Variants in ABCC4 observed in about 807,000 individuals in gnomAD.
The protein encoded by ABCC4 is ATP-binding cassette sub-family C member 4.
In ABCC4, 102 loss-of-function variants were observed where a neutral mutation model predicts 168.5. The observed-to-expected ratio is 0.61, with a 90% CI of 0.52 to 0.71. The LOEUF is 0.71. Ranked by LOEUF, ABCC4 falls within the 30% of genes least tolerant of loss-of-function variation. The pLI, the probability that ABCC4 is intolerant of heterozygous loss-of-function variation, is 0.00. For synonymous variants in ABCC4, 617 were observed against 590.7 expected, an observed-to-expected ratio of 1.04 and a Z score of -0.65; for missense variants, 1,402 against 1,605.8, an observed-to-expected ratio of 0.87 and a Z score of 2.17.
In ABCC4 at chr13:95,040,022, G is replaced by C. The variant is rs2139234224; in HGVS notation, c.3735+3660C>G. On this transcript the variant is annotated intron_variant, in intron 29 of 30. Transcript: ENST00000645237. ...GTACGGAGAGTCATCTGACGTTGGA[G>C]ATTGGTTCCCTCACTGGTAAAATGG... Among the ~76,000 whole-genome samples the C allele has an allele frequency of 2.0e-5, 3 of 152,314 alleles. No homozygotes were observed. The South Asian group carries it at 6.2e-4, about 32-fold the overall frequency.
At chr13:95,176,295 G>A (rs1275459500) in intron 13 of ABCC4, among the ~76,000 whole-genome samples, 3 of 133,270 alleles carry the variant, frequency 2.3e-5, no homozygotes, top group Non-Finnish European at 3.1e-5. Context: ...AACATAGGGA[G>A]ACCAGCCTAG....
intron 20 of ABCC4, among the ~76,000 whole-genome samples, chr13:95,099,490 C>T (rs1594092954): frequency 6.6e-6 from 1 of 151,942 alleles, no homozygotes; most frequent in African/African-American, 2.4e-5. Context: ...TAAACTATAC[C>T]TCAATAAAAA....
intron 1 of ABCC4, among the ~76,000 whole-genome samples, chr13:95,290,336 C>T (rs989781837): frequency 1.2e-4 from 18 of 151,988 alleles, no homozygotes; most frequent in African/African-American, 4.1e-4. Flanking sequence ...AGAAATAATG[C>T]ACATCAACAA....
intron 1 of ABCC4, among the ~76,000 whole-genome samples, chr13:95,278,806 G>GAAAA (rs71113905): frequency 2.0e-4 from 7 of 34,362 alleles, no homozygotes; most frequent in Non-Finnish European, 9.0e-5. Flanking sequence ...CCCTGTCTCG[G>GAAAA]AAAAAAAAAA....
intron 20 of ABCC4, among the ~76,000 whole-genome samples, chr13:95,097,540 C>A (rs2034643933): frequency 6.9e-6 from 1 of 145,838 alleles, no homozygotes; most frequent in Non-Finnish European, 1.5e-5. Flanking sequence ...TATAAGCCAA[C>A]TTGACCTGTC....
chr13:95,135,832 TA>T (rs1415374661), intron 19 of ABCC4, among the ~76,000 whole-genome samples: 90 of 152,316 alleles, frequency 5.9e-4, no homozygotes, highest in Middle Eastern at 3.4e-3. Context: ...TCATTAGGCA[TA>T]AAAACTACCT....
chr13:95,176,289 T>C (rs1451654297), intron 13 of ABCC4, among the ~76,000 whole-genome samples: 2 of 111,888 alleles, frequency 1.8e-5, no homozygotes, highest in Non-Finnish European at 3.4e-5. Context: ...CTGGGCAACA[T>C]AGGGAGACCA....
intron 19 of ABCC4, among the ~76,000 whole-genome samples, chr13:95,126,626 G>A (rs542266197): frequency 3.3e-5 from 5 of 149,546 alleles, no homozygotes; most frequent in East Asian, 2.0e-4. Flanking sequence ...TTCCATCCCC[G>A]GCGCATCATT....
At chr13:95,167,416 T>C (rs1452126312) in intron 14 of ABCC4, among the ~76,000 whole-genome samples, 2 of 152,000 alleles carry the variant, frequency 1.3e-5, no homozygotes, top group African/African-American at 4.8e-5. Flanking sequence ...ACTCCCAGAA[T>C]ACAAAACAAA....
chr13:95,190,274 G>A (rs971027424), intron 9 of ABCC4, among the ~76,000 whole-genome samples: 4 of 152,152 alleles, frequency 2.6e-5, no homozygotes, highest in Non-Finnish European at 5.9e-5. Context: ...CGGAGGCTGA[G>A]GTTGCAGTGA....
intron 1 of ABCC4, among the ~76,000 whole-genome samples, chr13:95,262,647 T>TC (rs1166382804): frequency 2.1e-5 from 3 of 142,166 alleles, no homozygotes; most frequent in East Asian, 4.4e-4. Flanking sequence ...TTTTTTTTTT[T>TC]CCCAAGACGG....
intron 19 of ABCC4, among the ~76,000 whole-genome samples, chr13:95,145,934 G>T (rs542369296): frequency 6.6e-6 from 1 of 152,160 alleles, no homozygotes; most frequent in Non-Finnish European, 1.5e-5. Context: ...ACAACAGGCC[G>T]GGCACAGTGG....
Position 95,209,471 on chromosome 13 carries a change from A to T in ABCC4, c.748T>A (p.Leu250Met), listed in dbSNP as rs1394069645. Residue 250 changes from leucine to methionine, a missense_variant, in exon 6 of 31, where the codon TTG (leucine) becomes ATG (methionine). Leu to Met is a conservative substitution (Grantham distance 15, BLOSUM62 2). This residue lies in a region of ABCC4 where 317 missense variants were observed against 345.5 expected (regional missense o/e 0.92). Transcript: ENST00000645237. ...GMAVLIILLP[L>M]QSCFGKLFSS... ...AACAACTTCCCAAAACAGCTTTGCA[A>T]GGGCAGGAGAATGATTAGAACTGCC... The T allele has an allele frequency of 6.2e-7, 1 of 1,614,186 alleles. No individual in the cohort carries two copies. Among genetic ancestry groups the T allele is most frequent in the East Asian group, 2.2e-5 (1 of 44,892 alleles).
Position 95,234,864 on chromosome 13 carries a change from T to C in ABCC4, c.307-30A>G, listed in dbSNP as rs903484003. ...AAGAAGAAAAAGAAAAGCCTTTAAT[T>C]AGACATACAGACCACACCATTTTTT... On this transcript the variant is annotated intron_variant, in intron 3 of 30. Coordinates refer to ENST00000645237, the MANE Select transcript of ABCC4 (RefSeq NM_005845.5). 8 of 1,429,586 alleles carry C rather than the reference T, an allele frequency of 5.6e-6. No homozygotes were observed. The South Asian group carries it at 1.0e-4, about 18-fold the overall frequency. The allele number at this position is 1,429,586 out of a possible 1,614,324, so 88.6% of individuals were successfully genotyped here.
chr13:95,258,019 T>C lies in ABCC4; in HGVS notation c.75-10266A>G, dbSNP rs983827572. The stretch of plus-strand genomic sequence containing the variant: ...ACACATGCCTGCAGGAGCGCCAACA[T>C]GCCTTTCCAGGTGCATTTGTCCCAA... On this transcript the variant is annotated intron_variant, in intron 1 of 30. Transcript: ENST00000645237. Among the ~76,000 whole-genome samples, 7 of 152,294 alleles carry C rather than the reference T, an allele frequency of 4.6e-5. No homozygotes were observed. In the East Asian group the frequency reaches 7.7e-4, roughly 17 times the overall value.
At chr13:95,091,768 C>A (rs2034442437) in intron 20 of ABCC4, among the ~76,000 whole-genome samples, 1 of 151,764 alleles carries the variant, frequency 6.6e-6, no homozygotes, top group South Asian at 2.1e-4. Context: ...AAAAAAAACA[C>A]AAAGTACACA....
intron 25 of ABCC4, among the ~76,000 whole-genome samples, chr13:95,067,291 T>C (rs1045264574): frequency 3.3e-5 from 5 of 152,152 alleles, no homozygotes; most frequent in African/African-American, 1.2e-4. Context: ...CAGAATTAAA[T>C]TGTAATGTAA....
chr13:95,083,103 C>T, intron 21 of ABCC4, 37 bp downstream of exon 21: 1 of 1,588,380 alleles, frequency 6.3e-7, no homozygotes, highest in Non-Finnish European at 8.6e-7. Context: ...TGGAAACTAG[C>T]TAGCATGTCT....
chr13:95,290,742 T>G (rs2138949999), intron 1 of ABCC4, among the ~76,000 whole-genome samples: 2 of 136,382 alleles, frequency 1.5e-5, no homozygotes, highest in African/African-American at 5.5e-5. Flanking sequence ...GAGGAAATCG[T>G]GAGGCCAGGC....
Sources: gnomAD v4.1 joint callset for allele counts (sites outside exome capture counted in the v4.1 genomes callset) on GRCh38, gnomAD v4.1.1 for gene constraint, gnomAD v4.1.1 regional missense constraint, MANE v1.5 for transcripts, NCBI Gene and HGNC (gene_info 2026-07-23, HGNC 2026-07-21) for gene names.